LRP1B: variants seen among roughly 807,000 people sequenced by gnomAD.
The protein encoded by LRP1B is LDL receptor related protein 1B, also known as low-density lipoprotein receptor-related protein 1B.
LRP1B carries 217 observed loss-of-function variants against 556.6 expected under a neutral mutation model. The ratio of observed to expected loss-of-function variants is 0.39; its 90% confidence interval spans 0.35 to 0.44. LRP1B has a LOEUF of 0.44. Among genes scored for constraint, LRP1B ranks in the 20% least tolerant of loss-of-function variants. LRP1B has a pLI of 1.00. For synonymous variants in LRP1B, 2,047 were observed against 1,865.8 expected, an observed-to-expected ratio of 1.10 and a Z score of -2.50; for missense variants, 5,053 against 5,620.8, an observed-to-expected ratio of 0.90 and a Z score of 3.23.
intron 3 of LRP1B, among the ~76,000 whole-genome samples, chr2:141,377,985 TTC>T (rs1689500252): frequency 6.6e-6 from 1 of 152,230 alleles, no homozygotes. Flanking sequence ...GCTTTGTTTT[TTC>T]TTTCTCCTCC....
chr2:141,113,034 T>C (rs1186897105), intron 7 of LRP1B, among the ~76,000 whole-genome samples: 1 of 152,214 alleles, frequency 6.6e-6, no homozygotes, highest in African/African-American at 2.4e-5. Flanking sequence ...AAATTTGTAC[T>C]AATACTATGG....
Position 141,924,007 on chromosome 2 carries a change from T to G in LRP1B, c.83-113606A>C, listed in dbSNP as rs543319404. ...GGACAGGAGACAGGGAAATACTGGG[T>G]AGAAGAGGGCAGTTCCCGTGCAAAG... On this transcript the variant is annotated intron_variant, in intron 1 of 90. Coordinates refer to ENST00000389484, the MANE Select transcript of LRP1B (RefSeq NM_018557.3). 4.6e-5 allele frequency among the ~76,000 whole-genome samples: 7 copies of G among 152,080 alleles called. No individual in the cohort carries two copies. In the East Asian group the frequency reaches 1.4e-3, roughly 30 times the overall value.
At chr2:141,861,873 T>A (rs1698252862) in intron 1 of LRP1B, among the ~76,000 whole-genome samples, 1 of 151,588 alleles carries the variant, frequency 6.6e-6, no homozygotes, top group African/African-American at 2.4e-5. Flanking sequence ...GAGGTTACAG[T>A]GAGCCAAGAT....
At chr2:141,515,978 A>G (rs2105161974) in intron 2 of LRP1B, among the ~76,000 whole-genome samples, 1 of 152,330 alleles carries the variant, frequency 6.6e-6, no homozygotes, top group Non-Finnish European at 1.5e-5. Context: ...TTTAAAAAAC[A>G]TATATTGTCT....
At chr2:140,935,301 A>G (rs1002961419) in intron 20 of LRP1B, among the ~76,000 whole-genome samples, 28 of 152,278 alleles carry the variant, frequency 1.8e-4, no homozygotes, top group African/African-American at 6.5e-4. Flanking sequence ...CGGATGAACA[A>G]ATGAAATACC....
chr2:140,929,765 C>CACACACAT (rs1444412704), intron 20 of LRP1B, among the ~76,000 whole-genome samples: 1 of 149,926 alleles, frequency 6.7e-6, no homozygotes. Flanking sequence ...CTCACACACA[C>CACACACAT]ACACACACAC....
intron 49 of LRP1B, among the ~76,000 whole-genome samples, chr2:140,520,817 A>AAAT (rs1690136225): frequency 7.5e-6 from 1 of 134,228 alleles, no homozygotes. Flanking sequence ...AAAAAAAAGA[A>AAAT]AATTCAGGAT....
intron 41 of LRP1B, among the ~76,000 whole-genome samples, chr2:140,672,343 G>T (rs1685514230): frequency 6.6e-6 from 1 of 151,986 alleles, no homozygotes; most frequent in Admixed American, 6.6e-5. Context: ...AATTAGCTGG[G>T]CGTGGTGGTG....
intron 3 of LRP1B, among the ~76,000 whole-genome samples, chr2:141,317,155 C>A (rs1250132436): frequency 1.3e-5 from 2 of 152,172 alleles, no homozygotes; most frequent in Admixed American, 6.5e-5. Context: ...ATCTTTAAAT[C>A]ATTTCATAAG....
intron 3 of LRP1B, among the ~76,000 whole-genome samples, chr2:141,271,543 T>A (rs1037464996): frequency 1.3e-5 from 2 of 151,830 alleles, no homozygotes; most frequent in Non-Finnish European, 2.9e-5. Flanking sequence ...GCAGACTCGT[T>A]ATTGGAACCT....
intron 1 of LRP1B, among the ~76,000 whole-genome samples, chr2:141,852,852 T>C (rs1384657207): frequency 6.6e-6 from 1 of 150,610 alleles, no homozygotes; most frequent in African/African-American, 2.4e-5. Context: ...ATATTGTTTT[T>C]AAAAAATCTA....
At chr2:141,529,061 C>T (rs554923836) in intron 2 of LRP1B, among the ~76,000 whole-genome samples, 6 of 152,174 alleles carry the variant, frequency 3.9e-5, no homozygotes, top group Admixed American at 6.5e-5. Context: ...TATTAGTGTC[C>T]GACACTTTTT....
chr2:140,858,703 A>G (rs953204673), intron 27 of LRP1B, among the ~76,000 whole-genome samples: 4 of 151,900 alleles, frequency 2.6e-5, no homozygotes, highest in African/African-American at 9.7e-5. Flanking sequence ...CCTAGTATCC[A>G]TTAGCGATTT....
At chr2:140,295,259 A>T (rs1683553003) in intron 84 of LRP1B, among the ~76,000 whole-genome samples, 1 of 152,200 alleles carries the variant, frequency 6.6e-6, no homozygotes, top group Non-Finnish European at 1.5e-5. Context: ...TGTGATGCAC[A>T]TCATTTAAGA....
intron 3 of LRP1B, among the ~76,000 whole-genome samples, chr2:141,430,589 A>G (rs1680525906): frequency 6.6e-6 from 1 of 151,100 alleles, no homozygotes; most frequent in Non-Finnish European, 1.5e-5. Flanking sequence ...CTTCCAAATA[A>G]TAAGGTAATA....
At chr2:140,436,016 C>T (rs187626198) in intron 66 of LRP1B, among the ~76,000 whole-genome samples, 2 of 152,078 alleles carry the variant, frequency 1.3e-5, no homozygotes, top group African/African-American at 2.4e-5. Flanking sequence ...CAAATATACA[C>T]ACATAAATAC....
intron 2 of LRP1B, among the ~76,000 whole-genome samples, chr2:141,694,312 G>A (rs921931012): frequency 2.6e-5 from 4 of 152,046 alleles, no homozygotes; most frequent in African/African-American, 7.2e-5. Flanking sequence ...GAAAAGGGAG[G>A]GAGGGCACTG....
chr2:141,537,992 T>C (rs1436563088), intron 2 of LRP1B, among the ~76,000 whole-genome samples: 4 of 152,198 alleles, frequency 2.6e-5, no homozygotes, highest in African/African-American at 9.6e-5. Context: ...CTCCGAACAT[T>C]GTATCCTGGG....
At chr2:141,128,649 T>C (rs1558880077) in intron 7 of LRP1B, among the ~76,000 whole-genome samples, 1 of 152,080 alleles carries the variant, frequency 6.6e-6, no homozygotes, top group Non-Finnish European at 1.5e-5. Flanking sequence ...AAGACAGCGT[T>C]TTGCCTTGTT....
Sources: gnomAD v4.1 joint callset for allele counts (sites outside exome capture counted in the v4.1 genomes callset) on GRCh38, gnomAD v4.1.1 for gene constraint, MANE v1.5 for transcripts, NCBI Gene and HGNC (gene_info 2026-07-23, HGNC 2026-07-21) for gene names.